ZNF804B: variants seen among roughly 807,000 people sequenced by gnomAD.
ZNF804B encodes zinc finger 804B.
A neutral mutation model predicts 101.4 loss-of-function variants in ZNF804B; 80 were observed. The ratio of observed to expected loss-of-function variants is 0.79; its 90% CI spans 0.66 to 0.95. The LOEUF is 0.95. Ranked by LOEUF, ZNF804B falls within the 40% of genes least tolerant of loss-of-function variation. The pLI is 0.00. For missense variants in ZNF804B, 1,673 were observed against 1,561.9 expected, an observed-to-expected ratio of 1.07 and a Z score of -1.20; for synonymous variants, 622 against 558.8, an observed-to-expected ratio of 1.11 and a Z score of -1.59.
At chr7:89,047,123 A>T (rs1292059328) in intron 1 of ZNF804B, among the ~76,000 whole-genome samples, 2 of 152,138 alleles carry the variant, frequency 1.3e-5, no homozygotes, top group African/African-American at 4.8e-5. Context: ...TCACTTTACC[A>T]TATCACTCCT....
chr7:88,906,738 C>T (rs2115965894), intron 1 of ZNF804B, among the ~76,000 whole-genome samples: 1 of 152,086 alleles, frequency 6.6e-6, no homozygotes, highest in South Asian at 2.1e-4. Context: ...CTATAGGTGT[C>T]TACTAGTTCT....
At position 89,285,621 on chromosome 7, in the gene ZNF804B, A is replaced by AT. The variant is rs1790184513; in HGVS notation, c.250-41718dup. 2.1e-5 allele frequency among the ~76,000 whole-genome samples: 3 copies of AT among 143,522 alleles called. No homozygotes were observed. The South Asian group carries it at 6.3e-4, about 30-fold the overall frequency. The allele number at this position is 143,522 out of a possible 152,430, so 94.2% of individuals were successfully genotyped here. ...AGAGAAGGGATATCTGCCTGAACAG[A>AT]TTTTTAATTCAGACAAAAGTGCCCT... On this transcript the variant is annotated intron_variant, in intron 2 of 3. Transcript: ENST00000333190.
intron 1 of ZNF804B, 73 bp from the exon 2 acceptor site, chr7:89,218,082 C>T: frequency 6.9e-7 from 1 of 1,443,984 alleles, no homozygotes; most frequent in African/African-American, 1.4e-5. Flanking sequence ...TTAAATACCA[C>T]CTTGATTAAT....
At chr7:89,023,611 G>C (rs978264609) in intron 1 of ZNF804B, among the ~76,000 whole-genome samples, 10 of 152,042 alleles carry the variant, frequency 6.6e-5, no homozygotes, top group African/African-American at 2.4e-4. Flanking sequence ...ACTTGCGAAA[G>C]TCTTAAAAGT....
chr7:88,937,441 A>C (rs918327156), intron 1 of ZNF804B, among the ~76,000 whole-genome samples: 1 of 152,096 alleles, frequency 6.6e-6, no homozygotes, highest in East Asian at 1.9e-4. Flanking sequence ...TAGGGAAGCT[A>C]TTTAATCTAG....
At chr7:89,036,777 G>A (rs895309693) in intron 1 of ZNF804B, among the ~76,000 whole-genome samples, 1 of 152,094 alleles carries the variant, frequency 6.6e-6, no homozygotes, top group African/African-American at 2.4e-5. Context: ...ATCACTAGGA[G>A]TCTGAAGTAG....
chr7:88,875,883 T>G (rs1363973679), intron 1 of ZNF804B, among the ~76,000 whole-genome samples: 1 of 152,164 alleles, frequency 6.6e-6, no homozygotes, highest in Admixed American at 6.6e-5. Flanking sequence ...ACCAATATCC[T>G]TGATGAACAT....
intron 2 of ZNF804B, among the ~76,000 whole-genome samples, chr7:89,319,455 T>A (rs918788040): frequency 6.6e-6 from 1 of 152,050 alleles, no homozygotes; most frequent in Non-Finnish European, 1.5e-5. Flanking sequence ...TGAAAACCCC[T>A]CCCATACATG....
At chr7:88,819,974 A>T (rs2373392) in intron 1 of ZNF804B, among the ~76,000 whole-genome samples, 38,926 of 152,050 alleles carry the variant, frequency 0.26, 5,738 homozygotes, top group East Asian at 0.7. Flanking sequence ...AACACATTAT[A>T]AATATTTTAA....
rs189498423 is a variant in ZNF804B, at chr7:89,325,687, A to G, written c.250-1657A>G. On this transcript the variant is annotated intron_variant, in intron 2 of 3. Coordinates refer to ENST00000333190, the MANE Select transcript of ZNF804B (RefSeq NM_181646.5). ...GTCAAGTGTCAATTGTTGTGAGTAA[A>G]TGAATCAATTTCCTTCTCTTTATTA... Among the ~76,000 whole-genome samples, 354 of 152,088 alleles carry G rather than the reference A, an allele frequency of 2.3e-3. 2 individuals carry two copies. The highest frequency in any genetic ancestry group is 8.3e-3 in the African/African-American group (343 of 41,538).
intron 1 of ZNF804B, among the ~76,000 whole-genome samples, chr7:89,026,044 T>G (rs1256078000): frequency 6.6e-6 from 1 of 152,108 alleles, no homozygotes; most frequent in African/African-American, 2.4e-5. Context: ...TGGTTTACTT[T>G]TAATTACATC....
In ZNF804B at chr7:89,218,307, T is replaced by C; in HGVS notation, c.249+12T>C. ...ATGCTCATAAGCAGGTAAGGCAAAG[T>C]GGGAAAAGTCCTTCATATTCCTGTA... On this transcript the variant is annotated intron_variant, in intron 2 of 3. Transcript: ENST00000333190. 4 of 1,613,214 alleles carry C rather than the reference T, an allele frequency of 2.5e-6. No individual in the cohort carries two copies. In the South Asian group the frequency reaches 4.4e-5, roughly 18 times the overall value.
intron 1 of ZNF804B, among the ~76,000 whole-genome samples, chr7:89,161,532 G>C (rs1791061293): frequency 1.0e-5 from 1 of 97,434 alleles, no homozygotes; most frequent in African/African-American, 3.3e-5. Flanking sequence ...ATGTCACCCA[G>C]GTAATGTTCT....
chr7:88,944,173 A>G (rs2116052772), intron 1 of ZNF804B, among the ~76,000 whole-genome samples: 1 of 151,902 alleles, frequency 6.6e-6, no homozygotes, highest in South Asian at 2.1e-4. Flanking sequence ...CTGGTATCTC[A>G]GAGTGTTTTC....
intron 2 of ZNF804B, among the ~76,000 whole-genome samples, chr7:89,283,346 T>G (rs972506036): frequency 5.3e-5 from 8 of 152,224 alleles, no homozygotes; most frequent in Admixed American, 2.6e-4. Flanking sequence ...ATCAGGTGGT[T>G]CCAATGATCA....
intron 1 of ZNF804B, among the ~76,000 whole-genome samples, chr7:88,879,741 G>C (rs1049345216): frequency 6.6e-6 from 1 of 152,058 alleles, no homozygotes; most frequent in African/African-American, 2.4e-5. Flanking sequence ...TGTAGGTAGA[G>C]TTAAAAGCCA....
At chr7:89,174,367 A>G (rs1199557261) in intron 1 of ZNF804B, among the ~76,000 whole-genome samples, 1 of 151,944 alleles carries the variant, frequency 6.6e-6, no homozygotes, top group Non-Finnish European at 1.5e-5. Flanking sequence ...TGTGTGCCTT[A>G]TTTATTTCAC....
chr7:88,932,044 G>T (rs1049539731), intron 1 of ZNF804B, among the ~76,000 whole-genome samples: 1 of 151,578 alleles, frequency 6.6e-6, no homozygotes, highest in Non-Finnish European at 1.5e-5. Context: ...GCATATAAAT[G>T]CATCTAATGT....
intron 1 of ZNF804B, among the ~76,000 whole-genome samples, chr7:89,193,870 T>A (rs1249419143): frequency 6.6e-6 from 1 of 152,068 alleles, no homozygotes; most frequent in Non-Finnish European, 1.5e-5. Flanking sequence ...TAGTTCTAGA[T>A]CCCTGAGGAA....
Sources: allele counts gnomAD v4.1 joint callset (sites outside exome capture counted in the v4.1 genomes callset), GRCh38; gene constraint gnomAD v4.1.1; transcripts MANE v1.5; gene names NCBI Gene and HGNC (gene_info 2026-07-23, HGNC 2026-07-21).